The following SPECC1L variants were observed in gnomAD, a reference collection of about 807,000 sequenced individuals.
The protein encoded by SPECC1L is sperm antigen with calponin homology and coiled-coil domains 1 like.
Under a neutral mutation model 116.8 loss-of-function variants are expected in SPECC1L, and 40 were observed. The ratio of observed to expected loss-of-function variants is 0.34; its 90% CI spans 0.27 to 0.45. SPECC1L has a LOEUF of 0.45. SPECC1L is among the 20% of genes least tolerant of loss of function. The probability of loss-of-function intolerance (pLI) is 1.00; values close to 1 mark genes in which losing one functional copy is unlikely to be tolerated. For missense variants in SPECC1L, 1,110 were observed against 1,373.6 expected, an observed-to-expected ratio of 0.81 and a Z score of 3.03; for synonymous variants, 504 against 500.6, an observed-to-expected ratio of 1.01 and a Z score of -0.09.
At chr22:24,401,754 A>G (rs1460461379) in intron 14 of SPECC1L, among the ~76,000 whole-genome samples, 1 of 152,154 alleles carries the variant, frequency 6.6e-6, no homozygotes, top group Non-Finnish European at 1.5e-5. Context: ...TCAAATGGTG[A>G]GCCTTCCTGT....
chr22:24,277,688 G>C (rs998913821), intron 2 of SPECC1L, among the ~76,000 whole-genome samples: 21 of 152,320 alleles, frequency 1.4e-4, no homozygotes, highest in African/African-American at 4.1e-4. Flanking sequence ...GTCTGTCCCT[G>C]TTGTAGCATG....
chr22:24,320,585 T>G lies in SPECC1L; in HGVS notation c.308-703T>G, dbSNP rs374291057. 1.1e-4 allele frequency among the ~76,000 whole-genome samples: 17 copies of G among 152,340 alleles called. No individual in the cohort carries two copies. In the South Asian group the frequency reaches 3.5e-3, roughly 32 times the overall value. On this transcript the variant is annotated intron_variant, in intron 4 of 16. Transcript: ENST00000314328. ...ATTTAACATCTGTGTCTGAGTTTCT[T>G]CATCTGTAAAACAAGGTGATAATAG...
chr22:24,380,602 A>G (rs1160915218), intron 14 of SPECC1L, among the ~76,000 whole-genome samples: 1 of 152,246 alleles, frequency 6.6e-6, no homozygotes, highest in Non-Finnish European at 1.5e-5. Context: ...ATTACAAAAC[A>G]AGCCCTTATG....
At chr22:24,318,394 GCC>G (rs2040647631) in intron 4 of SPECC1L, among the ~76,000 whole-genome samples, 1 of 151,936 alleles carries the variant, frequency 6.6e-6, no homozygotes, top group Non-Finnish European at 1.5e-5. Context: ...GGCGGCGCGC[GCC>G]TGCAATCGCA....
chr22:24,289,525 T>TA (rs1211688469), intron 2 of SPECC1L, among the ~76,000 whole-genome samples: 2 of 152,176 alleles, frequency 1.3e-5, no homozygotes, highest in African/African-American at 4.8e-5. Flanking sequence ...GTTCTAAGTT[T>TA]AAAAAAATCC....
Position 24,411,463 on chromosome 22 carries a change from C to A in SPECC1L, c.3088-125C>A. 4.7e-6 allele frequency: 4 copies of A among 860,194 alleles called. No individual in the cohort carries two copies. The South Asian group carries it at 5.3e-5, about 11-fold the overall frequency. The allele number at this position is 860,194 out of a possible 1,614,324, so 53.3% of individuals were successfully genotyped here. On this transcript the variant is annotated intron_variant, in intron 14 of 16. Transcript: ENST00000314328. ...CAGGTAGCCCTTGGACACAGCCGCC[C>A]TGCCCTGGTTTTGGTTTTGTGTTTT... is the stretch of plus-strand genomic sequence containing the variant.
chr22:24,317,211 G>A lies in SPECC1L; in HGVS notation c.307+3745G>A, dbSNP rs866760280. 2.2e-3 allele frequency among the ~76,000 whole-genome samples: 241 copies of A among 107,802 alleles called. 6 individuals are homozygous for A. Among genetic ancestry groups the A allele is most frequent in the Middle Eastern group, 0.011 (2 of 180 alleles). 70.7% of individuals were successfully genotyped at this position (107,802 alleles called of 152,430 possible). On this transcript the variant is annotated intron_variant, in intron 4 of 16. Transcript: ENST00000314328. ...TCCTCACTTCCCAGTAGGGGCGGCC[G>A]GGCAGAGGCGCCCCTCACCTCCCGG...
chr22:24,317,218 G>A (rs1156243662), intron 4 of SPECC1L, among the ~76,000 whole-genome samples: 32 of 103,206 alleles, frequency 3.1e-4, no homozygotes, highest in South Asian at 6.3e-4. Context: ...GCCGGGCAGA[G>A]GCGCCCCTCA....
At position 24,412,479 on chromosome 22, in the gene SPECC1L, G is replaced by A. The variant is rs1012671159; in HGVS notation, c.3205-169G>A. 10 of 700,046 alleles carry A rather than the reference G, an allele frequency of 1.4e-5. 1 individual carries two copies. Among genetic ancestry groups the A allele is most frequent in the South Asian group, 1.1e-4 (7 of 65,098 alleles). 43.4% of individuals were successfully genotyped at this position (700,046 alleles called of 1,614,324 possible). A position where few individuals can be genotyped will look rare whatever the true frequency, so the allele number is the denominator to read the frequency against. On this transcript the variant is annotated intron_variant, in intron 15 of 16. Coordinates refer to ENST00000314328, the MANE Select transcript of SPECC1L (RefSeq NM_015330.6). ...GGGGAGGGTGGCCGGGCCTAGTGCAGGGTACTTGGTGCAGATGCAGAAGCT... is the reference window on the plus strand; with the variant it reads ...GGGGAGGGTGGCCGGGCCTAGTGCAAGGTACTTGGTGCAGATGCAGAAGCT...
intron 14 of SPECC1L, among the ~76,000 whole-genome samples, chr22:24,370,157 CATT>C (rs1463305091): frequency 2.6e-5 from 4 of 152,190 alleles, no homozygotes; most frequent in African/African-American, 4.8e-5. Flanking sequence ...GAGGTAATAA[CATT>C]AGTAGAGGAA....
chr22:24,361,860 A>AGGAAGGAGG (rs2041652138), intron 11 of SPECC1L, among the ~76,000 whole-genome samples: 1 of 151,986 alleles, frequency 6.6e-6, no homozygotes, highest in South Asian at 2.1e-4. Flanking sequence ...GAAGAGGAAG[A>AGGAAGGAGG]GGAAGGAGGA....
intron 11 of SPECC1L, among the ~76,000 whole-genome samples, chr22:24,351,107 G>C (rs1233412244): frequency 6.6e-6 from 1 of 152,172 alleles, no homozygotes; most frequent in Non-Finnish European, 1.5e-5. Context: ...TGCTTTCCAG[G>C]CTTATCTTGA....
At chr22:24,329,999 G>A (rs926425724) in intron 7 of SPECC1L, among the ~76,000 whole-genome samples, 5 of 152,240 alleles carry the variant, frequency 3.3e-5, no homozygotes, top group Non-Finnish European at 4.4e-5. Flanking sequence ...ATTAATATCT[G>A]TTGAGCACTC....
intron 11 of SPECC1L, among the ~76,000 whole-genome samples, chr22:24,353,119 G>C (rs2146586643): frequency 6.6e-6 from 1 of 152,184 alleles, no homozygotes; most frequent in African/African-American, 2.4e-5. Context: ...CATAACTATA[G>C]AACAGTTACA....
rs2041824459 is a variant in SPECC1L at position 24,368,963 on chromosome 22, G to GCA, written c.2985-253_2985-252dup. On this transcript the variant is annotated intron_variant, in intron 13 of 16. Coordinates refer to ENST00000314328, the MANE Select transcript of SPECC1L (RefSeq NM_015330.6). The stretch of plus-strand genomic sequence containing the variant: ...CGCCCGGCACATTTTAATTTTAAAT[G>GCA]CACTTTGTACTGTCTTTGCCACTTT... 4.6e-5 allele frequency among the ~76,000 whole-genome samples: 7 copies of GCA among 152,156 alleles called. No individual in the cohort carries two copies. In the South Asian group the frequency reaches 1.5e-3, roughly 32 times the overall value.
chr22:24,337,769 A>G (rs1012420150), intron 9 of SPECC1L, among the ~76,000 whole-genome samples: 1 of 152,172 alleles, frequency 6.6e-6, no homozygotes. Context: ...TGCAGCCTTT[A>G]CCAGAATCTG....
intron 11 of SPECC1L, among the ~76,000 whole-genome samples, chr22:24,350,732 A>G (rs1464542244): frequency 6.6e-6 from 1 of 152,162 alleles, no homozygotes; most frequent in Non-Finnish European, 1.5e-5. Flanking sequence ...GCTGCTTGGT[A>G]GGTGTGCCCT....
intron 14 of SPECC1L, among the ~76,000 whole-genome samples, chr22:24,390,757 G>A (rs554768118): frequency 6.6e-6 from 1 of 150,816 alleles, no homozygotes; most frequent in South Asian, 2.1e-4. Context: ...TCTTCATCCC[G>A]AAGGCTCAGC....
chr22:24,395,556 G>GT (rs2042351119), intron 14 of SPECC1L, among the ~76,000 whole-genome samples: 2 of 152,218 alleles, frequency 1.3e-5, no homozygotes, highest in Non-Finnish European at 2.9e-5. Context: ...GAGCAGATTT[G>GT]TTTAAGAGAC....
Sources: allele counts gnomAD v4.1 joint callset (sites outside exome capture counted in the v4.1 genomes callset), GRCh38; gene constraint gnomAD v4.1.1; transcripts MANE v1.5; gene names NCBI Gene and HGNC (gene_info 2026-07-23, HGNC 2026-07-21).